Variants in PABPC4 observed in about 807,000 individuals in gnomAD.
PABPC4 encodes the protein poly(A) binding protein cytoplasmic 4.
A neutral mutation model predicts 74.5 loss-of-function variants in PABPC4; 15 were observed. That is an observed-to-expected ratio of 0.20 (90% confidence interval 0.13 to 0.31). PABPC4 has a LOEUF of 0.31. Ranked by LOEUF, PABPC4 falls within the 10% of genes least tolerant of loss-of-function variation. The probability of loss-of-function intolerance (pLI) is 1.00; values close to 1 mark genes in which losing one functional copy is unlikely to be tolerated. For synonymous variants in PABPC4, 345 were observed against 303.0 expected (o/e 1.14, Z -1.44); for missense variants, 610 against 853.5 (o/e 0.71, Z 3.55).
chr1:39,568,999 GTCT>G, intron 5 of PABPC4, 60 bp from the exon 6 acceptor site: 1 of 1,534,222 alleles, frequency 6.5e-7, no homozygotes, highest in Middle Eastern at 2.0e-4. Context: ...TATTCTGGAG[GTCT>G]AAGTCCCAAA....
chr1:39,562,138 G>A lies in PABPC4; in HGVS notation c.1828C>T (p.Leu610=). 6.2e-7 allele frequency: 1 copy of A among 1,614,038 alleles called. No individual in the cohort carries two copies. The highest frequency in any genetic ancestry group is 1.1e-5 in the South Asian group (1 of 91,082). Residue 610 remains leucine, a synonymous_variant, in exon 14 of 16, where the codon CTG becomes TTG. Transcript: ENST00000372858. ...AGCTCAGAGTTGTCTATCTCCAGCA[G>A]CATTCCCGTGATCTTCCCAGCCAGA... ...SNLAGKITGM[L]LEIDNSELLH...
chr1:39,567,125 C>T (rs1645857855), intron 7 of PABPC4, among the ~76,000 whole-genome samples: 1 of 152,180 alleles, frequency 6.6e-6, no homozygotes, highest in South Asian at 2.1e-4. Context: ...GTGCCAAGGA[C>T]AAGCAGTACA....
chr1:39,568,341 C>CA (rs1645884189), intron 6 of PABPC4: 1 of 161,892 alleles, frequency 6.2e-6, no homozygotes, highest in Admixed American at 6.3e-5. Context: ...GGCTGGAGCC[C>CA]AGCTATCTGT....
At position 39,563,687 on chromosome 1, in the gene PABPC4, G is replaced by A; in HGVS notation, c.1595C>T (p.Ala532Val). ...LAPRAAVAAA[A>V]PRAVAPYKYA... Reference sequence around the variant, plus strand: ...TTTGTAGGGGGCAACAGCCCGGGGAGCAGCAGCAGCAACAGCAGCGCGTGG... The same window carrying A: ...TTTGTAGGGGGCAACAGCCCGGGGAACAGCAGCAGCAACAGCAGCGCGTGG... The change falls in exon 12 of 16, where the codon GCT (alanine) becomes GTT (valine). Residue 532 changes from alanine (A) to valine (V), a missense_variant. By Grantham distance (64) the Ala-to-Val change is moderately conservative. Transcript: ENST00000372858. The A allele has an allele frequency of 5.6e-6, 9 of 1,614,220 alleles. No homozygotes were observed. Among genetic ancestry groups the A allele is most frequent in the Non-Finnish European group, 7.6e-6 (9 of 1,179,992 alleles).
intron 8 of PABPC4, 22 bp downstream of exon 8, chr1:39,565,084 T>C: frequency 3.1e-6 from 5 of 1,611,856 alleles, no homozygotes; most frequent in South Asian, 1.1e-5. Context: ...TCCCAAGAGC[T>C]GTGACCAAAC....
intron 2 of PABPC4, chr1:39,571,714 AAG>A (rs1263985602): frequency 2.3e-6 from 1 of 432,102 alleles, no homozygotes; most frequent in East Asian, 6.8e-5. Context: ...CTCTACAAAA[AAG>A]AAAAAAATTA....
rs541240058 is a variant in PABPC4 at position 39,576,667 on chromosome 1, C to T, written c.-716G>A. 1.5e-4 allele frequency: 23 copies of T among 148,692 alleles called. No individual in the cohort carries two copies. In the East Asian group the frequency reaches 3.5e-3, roughly 23 times the overall value. The allele number at this position is 148,692 out of a possible 1,614,324, so 9.2% of individuals were successfully genotyped here. ...CGGGTTCTCCGAGGATTCGTTTTTT[C>T]TTTTCCTTTTTTTTTTTCAGGATTT... On this transcript the variant is annotated 5_prime_UTR_variant, in exon 1 of 16. Transcript: ENST00000372858.
At position 39,568,869 on chromosome 1, in the gene PABPC4, A is replaced by T; in HGVS notation, c.809T>A (p.Val270Glu). 6.2e-7 allele frequency: 1 copy of T among 1,613,944 alleles called. No individual in the cohort carries two copies. ...CCGTTTTAACTCTGCCTGCCGTTCT[A>T]CTTTCTTTTGTGCACGGCCTACAAA... is the stretch of plus-strand genomic sequence containing the variant. ...IIFVGRAQKK[V>E]ERQAELKRKF... The change falls in exon 6 of 16, where the codon GTA becomes GAA. Residue 270 changes from valine (V) to glutamate (E), a missense_variant. Physicochemically the swap from Val to Glu is moderately radical, Grantham distance 121. Transcript: ENST00000372858.
At chr1:39,573,987 G>A (rs1472083616) in intron 1 of PABPC4, among the ~76,000 whole-genome samples, 1 of 152,168 alleles carries the variant, frequency 6.6e-6, no homozygotes, top group Non-Finnish European at 1.5e-5. Flanking sequence ...CCTCCTCCAT[G>A]AGGGGATTTA....
At position 39,568,444 on chromosome 1, in the gene PABPC4, G is replaced by C. The variant is rs578005431; in HGVS notation, c.876+358C>G. 84 of 194,096 alleles carry C rather than the reference G, an allele frequency of 4.3e-4. 1 individual carries two copies. The highest frequency in any genetic ancestry group is 1.9e-3 in the African/African-American group (82 of 42,948). The allele number at this position is 194,096 out of a possible 1,614,324, so 12.0% of individuals were successfully genotyped here. ...AGGATCATCAGTGCACTCACCTTTT[G>C]TCACCTCTCCCCACAGCTGTTCTGG... On this transcript the variant is annotated intron_variant, in intron 6 of 15. Coordinates refer to ENST00000372858, the MANE Select transcript of PABPC4 (RefSeq NM_001135653.2).
chr1:39,563,768 A>G (rs780095137), intron 11 of PABPC4, 27 bp from the exon 12 acceptor site: 2 of 1,613,762 alleles, frequency 1.2e-6, no homozygotes, highest in East Asian at 4.5e-5. Context: ...ATACAATTAA[A>G]GCCCATCAGT....
rs1645936746 is a variant in PABPC4 at position 39,571,344 on chromosome 1, C to A, written c.393G>T (p.Val131=). The change falls in exon 3 of 16, where the codon GTG becomes GTT. Residue 131 remains valine, a synonymous_variant. Coordinates refer to ENST00000372858, the MANE Select transcript of PABPC4 (RefSeq NM_001135653.2). ...AFGNILSCKV[V]CDENGSKGYA... Reference sequence around the variant, plus strand: ...AACCCTTAGAGCCGTTCTCATCACACACCACCTGTCAAAGACAAGGCGGAC... The same window carrying A: ...AACCCTTAGAGCCGTTCTCATCACAAACCACCTGTCAAAGACAAGGCGGAC... The A allele has an allele frequency of 6.2e-7, 1 of 1,614,132 alleles. No homozygotes were observed.
At chr1:39,574,977 G>A (rs917867365) in intron 1 of PABPC4, among the ~76,000 whole-genome samples, 4 of 152,180 alleles carry the variant, frequency 2.6e-5, no homozygotes, top group Non-Finnish European at 5.9e-5. Context: ...TCCTTCTCAG[G>A]AGTCCCATTT....
chr1:39,574,684 G>A (rs1645991083), intron 1 of PABPC4, among the ~76,000 whole-genome samples: 2 of 152,244 alleles, frequency 1.3e-5, no homozygotes, highest in South Asian at 2.1e-4. Context: ...ACCTGGGCAG[G>A]TAGTAACTCT....
chr1:39,569,725 C>T, intron 4 of PABPC4, 36 bp from the exon 5 acceptor site: 2 of 1,593,544 alleles, frequency 1.3e-6, no homozygotes, highest in Admixed American at 1.7e-5. Flanking sequence ...GTAACACCAT[C>T]TTGAGCACAG....
At chr1:39,567,377 T>C in intron 7 of PABPC4, 1 of 521,680 alleles carries the variant, frequency 1.9e-6, no homozygotes, top group Non-Finnish European at 3.8e-6. Context: ...AAGGAGAAAA[T>C]GTGGCAGAGC....
In PABPC4 at chr1:39,571,245, A is replaced by G. The variant is rs765304833; in HGVS notation, c.492T>C (p.Asn164=). 6 of 1,614,044 alleles carry G rather than the reference A, an allele frequency of 3.7e-6. No individual in the cohort carries two copies. Among genetic ancestry groups the G allele is most frequent in the Non-Finnish European group, 4.2e-6 (5 of 1,180,040 alleles). ...ACTGGGACACTCACACTTTGCGGTCATTGAGGAGCATGCCATTCATCTTCT... is the reference window on the plus strand; with the variant it reads ...ACTGGGACACTCACACTTTGCGGTCGTTGAGGAGCATGCCATTCATCTTCT... The part of the protein sequence containing the change: ...AIEKMNGMLL[N]DRKVFVGRFK... The change falls in exon 3 of 16, where the codon AAT becomes AAC. Residue 164 remains asparagine (N), a synonymous_variant. Coordinates refer to ENST00000372858, the MANE Select transcript of PABPC4 (RefSeq NM_001135653.2).
In PABPC4 at chr1:39,563,821, T is replaced by G. The variant is rs765358950; in HGVS notation, c.1540+15A>C. On this transcript the variant is annotated intron_variant, in intron 11 of 15. Transcript: ENST00000372858. ...AAATCCCATCTTTCCCCCTTCTGTG[T>G]GCATCCAATACCACCTCCAGACTGG... The G allele has an allele frequency of 6.2e-7, 1 of 1,614,190 alleles. No individual in the cohort carries two copies. Among genetic ancestry groups the G allele is most frequent in the South Asian group, 1.1e-5 (1 of 91,076 alleles).
chr1:39,573,765 G>A (rs1344473593), intron 1 of PABPC4, among the ~76,000 whole-genome samples: 1 of 152,202 alleles, frequency 6.6e-6, no homozygotes, highest in African/African-American at 2.4e-5. Context: ...GTTGCAGTGA[G>A]CTGAGATCGC....
Sources: gnomAD v4.1 joint callset for allele counts (sites outside exome capture counted in the v4.1 genomes callset) on GRCh38, gnomAD v4.1.1 for gene constraint, MANE v1.5 for transcripts, NCBI Gene and HGNC (gene_info 2026-07-23, HGNC 2026-07-21) for gene names.